The following ZNF550 variants were observed in gnomAD, a reference collection of about 807,000 sequenced individuals.
The protein encoded by ZNF550 is zinc finger protein 550.
Under a neutral mutation model 40.2 loss-of-function variants are expected in ZNF550, and 42 were observed. The observed-to-expected ratio is 1.05, with a 90% CI of 0.82 to 1.35. The LOEUF is 1.35. ZNF550 is among the 40% of genes most tolerant of loss of function. The probability of loss-of-function intolerance (pLI) is 0.00; values close to 1 mark genes in which losing one functional copy is unlikely to be tolerated. For synonymous variants in ZNF550, 223 were observed against 198.6 expected (o/e 1.12, Z -1.03); for missense variants, 549 against 525.2 (o/e 1.05, Z -0.44).
At chr19:57,541,843 T>TA in exon 5 of ZNF550, 1 of 152,172 alleles carries the variant, frequency 6.6e-6, no homozygotes, top group Admixed American at 6.5e-5. Context: ...AAATATTAAT[T>TA]AAAATCAATA....
rs143273525 is a variant in ZNF550, at chr19:57,545,820, C to T, written c.*518+637G>A. On this transcript the variant is annotated intron_variant, in intron 4 of 4. Transcript: ENST00000457177. ...TTGAAGCCAGGAGTTCCAGACCAGCCCAGCCAACATGGTAAAACCTTGTCT... is the reference window on the plus strand; with the variant it reads ...TTGAAGCCAGGAGTTCCAGACCAGCTCAGCCAACATGGTAAAACCTTGTCT... 5.9e-3 allele frequency among the ~76,000 whole-genome samples: 904 copies of T among 152,190 alleles called. 11 individuals are homozygous for T. The highest frequency in any genetic ancestry group is 0.01 in the Middle Eastern group (3 of 294).
exon 5 of ZNF550, chr19:57,542,240 C>G (rs1364531418): frequency 6.6e-6 from 1 of 150,578 alleles, no homozygotes; most frequent in Non-Finnish European, 1.5e-5. Flanking sequence ...CACAGTGATA[C>G]AGAAACACTT....
intron 3 of ZNF550, among the ~76,000 whole-genome samples, chr19:57,552,057 C>T (rs1296577880): frequency 2.0e-5 from 3 of 152,210 alleles, no homozygotes; most frequent in East Asian, 3.9e-4. Flanking sequence ...ATGATTAAAA[C>T]TGTTCATGCA....
chr19:57,542,961 C>G (rs530877121), exon 5 of ZNF550: 4 of 152,330 alleles, frequency 2.6e-5, no homozygotes, highest in Admixed American at 1.3e-4. Flanking sequence ...TTAACATTGC[C>G]CTATGAATTT....
chr19:57,547,108 G>C, exon 4 of ZNF550: 4 of 1,613,970 alleles, frequency 2.5e-6, no homozygotes, highest in Non-Finnish European at 3.4e-6. Context: ...CCGGTGAAAG[G>C]CTTTCCCACA....
rs2123367326 is a variant in ZNF550 at position 57,555,963 on chromosome 19, A to C, written c.154+268T>G. The C allele has an allele frequency of 7.1e-6, 3 of 424,856 alleles. 1 individual carries two copies. Among genetic ancestry groups the C allele is most frequent in the South Asian group, 6.2e-5 (3 of 48,346 alleles). 26.3% of individuals were successfully genotyped at this position (424,856 alleles called of 1,614,324 possible). ...CCCTGCTTAATAGGGCTGTGGCCAC[A>C]GCTGACCCCACCAGGATGGCCAATC... On this transcript the variant is annotated intron_variant, in intron 2 of 4. Transcript: ENST00000457177.
At chr19:57,549,169 C>T (rs1281690237) in intron 3 of ZNF550, among the ~76,000 whole-genome samples, 2 of 152,138 alleles carry the variant, frequency 1.3e-5, no homozygotes, top group East Asian at 1.9e-4. Flanking sequence ...AAGGGTATAA[C>T]GGGATTGTTT....
At chr19:57,559,509 AC>A in intron 1 of ZNF550, 146 bp downstream of exon 1, 2 of 734,510 alleles carry the variant, frequency 2.7e-6, no homozygotes, top group Non-Finnish European at 3.8e-6. Context: ...TGCATTCCGG[AC>A]CCGGGACCGC....
intron 2 of ZNF550, chr19:57,553,267 G>A (rs2090089953): frequency 1.3e-5 from 2 of 152,548 alleles, no homozygotes; most frequent in African/African-American, 4.8e-5. Flanking sequence ...CCACTGTTGG[G>A]CTACAACTGC....
At chr19:57,557,951 C>A (rs763167170) in intron 1 of ZNF550, among the ~76,000 whole-genome samples, 2 of 152,240 alleles carry the variant, frequency 1.3e-5, no homozygotes, top group Non-Finnish European at 2.9e-5. Context: ...GTGCCTAGCA[C>A]ATGTAAGTGC....
At chr19:57,548,446 A>G (rs780211871) in intron 3 of ZNF550, among the ~76,000 whole-genome samples, 19 of 152,242 alleles carry the variant, frequency 1.2e-4, no homozygotes, top group Non-Finnish European at 2.4e-4. Context: ...AAAAGAATAC[A>G]TACAAATGGC....
intron 1 of ZNF550, 146 bp from the exon 2 acceptor site, chr19:57,556,503 A>G: frequency 2.0e-6 from 2 of 985,294 alleles, no homozygotes; most frequent in African/African-American, 1.6e-5. Flanking sequence ...GCAGGGCTCA[A>G]AGGGGAGGCA....
At chr19:57,559,323 G>A (rs1473070710) in intron 1 of ZNF550, among the ~76,000 whole-genome samples, 7 of 152,188 alleles carry the variant, frequency 4.6e-5, no homozygotes. Flanking sequence ...GACGAGGACA[G>A]TAACGGGACT....
intron 3 of ZNF550, among the ~76,000 whole-genome samples, chr19:57,548,802 C>T (rs75913519): frequency 6.6e-6 from 1 of 152,260 alleles, no homozygotes; most frequent in Non-Finnish European, 1.5e-5. Flanking sequence ...GTACTAGGCA[C>T]AATAGCCAAG....
At chr19:57,544,013 G>A in intron 4 of ZNF550, 1 of 985,432 alleles carries the variant, frequency 1.0e-6, no homozygotes, top group South Asian at 4.7e-5. Context: ...AACTTTTACT[G>A]TAAGTTCAAA....
chr19:57,558,114 A>G (rs1157621936), intron 1 of ZNF550, among the ~76,000 whole-genome samples: 1 of 152,196 alleles, frequency 6.6e-6, no homozygotes, highest in South Asian at 2.1e-4. Flanking sequence ...GAGCACCGCT[A>G]AAACACCTCA....
intron 2 of ZNF550, chr19:57,553,551 G>A (rs968515006): frequency 3.3e-5 from 5 of 152,224 alleles, no homozygotes; most frequent in Admixed American, 6.5e-5. Flanking sequence ...CCGAGTAGCA[G>A]GGATTACAGG....
chr19:57,548,019 G>A lies in ZNF550; in HGVS notation c.251-26C>T, dbSNP rs533368388. ...CTGAAGGGCATCAACAAACAAAGGA[G>A]GGGTCTTTTAGTGATAAAATATAGA... is the stretch of plus-strand genomic sequence containing the variant. On this transcript the variant is annotated intron_variant, in intron 3 of 4. Transcript: ENST00000457177. 4.2e-4 allele frequency: 666 copies of A among 1,592,150 alleles called. 12 individuals are homozygous for A. In the South Asian group the frequency reaches 7.1e-3, roughly 17 times the overall value.
In ZNF550 at chr19:57,546,762, C is replaced by G. The variant is rs2090013602; in HGVS notation, c.*213G>C. 4.5e-6 allele frequency: 6 copies of G among 1,342,532 alleles called. No individual in the cohort carries two copies. In the South Asian group the frequency reaches 1.1e-4, roughly 24 times the overall value. 83.2% of individuals were successfully genotyped at this position (1,342,532 alleles called of 1,614,324 possible). Reference sequence around the variant, plus strand: ...GCAATGAGTGAGAACTGAGTGGTGACTGAAGGGATCCTTACATTCACTGTA... The same window carrying G: ...GCAATGAGTGAGAACTGAGTGGTGAGTGAAGGGATCCTTACATTCACTGTA... On this transcript the variant is annotated 3_prime_UTR_variant, in exon 4 of 5. Transcript: ENST00000457177.
Sources: allele counts gnomAD v4.1 joint callset (sites outside exome capture counted in the v4.1 genomes callset), GRCh38; gene constraint gnomAD v4.1.1; transcripts MANE v1.5; gene names NCBI Gene and HGNC (gene_info 2026-07-23, HGNC 2026-07-21).